Variants in LRRK1 observed in about 807,000 individuals in gnomAD.
The protein encoded by LRRK1 is leucine rich repeat kinase 1.
In LRRK1, 113 loss-of-function variants were observed where a neutral mutation model predicts 209.1. The ratio of observed to expected loss-of-function variants is 0.54; its 90% CI spans 0.46 to 0.63. LRRK1 has a LOEUF of 0.63. Ranked by LOEUF, LRRK1 falls within the 30% of genes least tolerant of loss-of-function variation. The pLI is 0.00. For synonymous variants in LRRK1, 1,144 were observed against 1,099.7 expected (o/e 1.04, Z -0.80); for missense variants, 2,284 against 2,632.2 (o/e 0.87, Z 2.89).
chr15:101,061,168 C>CTTAT lies in LRRK1; in HGVS notation c.4680-3_4680-2insTTAT, dbSNP rs57811973. On this transcript the variant is annotated splice_region_variant and splice_polypyrimidine_tract_variant and intron_variant, in intron 29 of 33. Coordinates refer to ENST00000388948, the MANE Select transcript of LRRK1 (RefSeq NM_024652.6). The stretch of plus-strand genomic sequence containing the variant: ...CTGACAGCACAGTTTCTGCCACTTA[C>CTTAT]AGGAACTACACGGTGGTGAACACAG... 16 of 1,611,394 alleles carry CTTAT rather than the reference C, an allele frequency of 9.9e-6. No individual in the cohort carries two copies. Among genetic ancestry groups the CTTAT allele is most frequent in the African/African-American group, 1.3e-5 (1 of 74,802 alleles).
chr15:101,014,182 G>A, intron 10 of LRRK1, 134 bp from the exon 11 acceptor site: 2 of 671,396 alleles, frequency 3.0e-6, no homozygotes, highest in South Asian at 3.7e-5. Flanking sequence ...CCACACAGCT[G>A]GGATCTGCGT....
chr15:100,964,858 A>AT (rs2030353875), intron 2 of LRRK1, among the ~76,000 whole-genome samples: 2 of 152,074 alleles, frequency 1.3e-5, no homozygotes, highest in Non-Finnish European at 2.9e-5. Flanking sequence ...AATTAAAGCC[A>AT]TTTTTTTCAT....
rs1296202841 is a variant in LRRK1 at position 101,071,381 on chromosome 15, TTTTGTTTTG to T, written c.*2537_*2545del. The T allele has an allele frequency of 2.0e-5, 3 of 151,016 alleles. No individual in the cohort carries two copies. The highest frequency in any genetic ancestry group is 7.3e-5 in the African/African-American group (3 of 41,020). The allele number at this position is 151,016 out of a possible 1,614,324, so 9.4% of individuals were successfully genotyped here. On this transcript the variant is annotated 3_prime_UTR_variant, in exon 34 of 34. Transcript: ENST00000388948. ...ACACAGTCAAGAATCTCTGTGTTTT[TTTTGTTTTG>T]TTTTGTTTTTGTTTTTTGAGACGGA... is the stretch of plus-strand genomic sequence containing the variant.
intron 6 of LRRK1, among the ~76,000 whole-genome samples, chr15:101,006,289 A>G (rs540929220): frequency 6.6e-5 from 10 of 152,058 alleles, no homozygotes; most frequent in South Asian, 2.1e-4. Context: ...GGGATATTCT[A>G]TAAGACAAGC....
intron 22 of LRRK1, 32 bp from the exon 23 acceptor site, chr15:101,049,612 G>C (rs551478860): frequency 4.4e-5 from 71 of 1,607,458 alleles, no homozygotes; most frequent in Non-Finnish European, 6.0e-5. Context: ...GAGCCAGATC[G>C]CAATGGGCTC....
intron 6 of LRRK1, among the ~76,000 whole-genome samples, chr15:100,989,961 A>G (rs1006429757): frequency 3.3e-5 from 5 of 152,066 alleles, no homozygotes; most frequent in Non-Finnish European, 5.9e-5. Flanking sequence ...TAAAATTACT[A>G]AAGTTATGAA....
intron 9 of LRRK1, 83 bp downstream of exon 9, chr15:101,010,920 T>A: frequency 7.6e-7 from 1 of 1,311,058 alleles, no homozygotes; most frequent in Non-Finnish European, 1.1e-6. Context: ...GTGCATTATG[T>A]CAGTTCATCC....
chr15:100,983,812 A>G (rs1304308636), intron 4 of LRRK1, 113 bp downstream of exon 4: 1 of 1,112,474 alleles, frequency 9.0e-7, no homozygotes, highest in African/African-American at 1.5e-5. Flanking sequence ...CAAGAAATAC[A>G]GGGTAGGCCA....
At chr15:101,015,107 A>G (rs1338197869) in intron 11 of LRRK1, among the ~76,000 whole-genome samples, 1 of 152,210 alleles carries the variant, frequency 6.6e-6, no homozygotes, top group Non-Finnish European at 1.5e-5. Context: ...CCACTTCTGC[A>G]GTATCACGGT....
At chr15:101,011,474 CAA>C (rs35220453) in intron 9 of LRRK1, among the ~76,000 whole-genome samples, 1,111 of 78,180 alleles carry the variant, frequency 0.014, 6 homozygotes, top group Middle Eastern at 0.06. Flanking sequence ...GACTCTGTCT[CAA>C]AAAAAAAAAA....
At position 101,074,980 on chromosome 15, in the gene LRRK1, T is replaced by G. The variant is rs1385856261; in HGVS notation, c.*6132T>G. 1.4e-5 allele frequency: 2 copies of G among 144,682 alleles called. No homozygotes were observed. The highest frequency in any genetic ancestry group is 6.8e-5 in the Admixed American group (1 of 14,620). The allele number at this position is 144,682 out of a possible 1,614,324, so 9.0% of individuals were successfully genotyped here. On this transcript the variant is annotated 3_prime_UTR_variant, in exon 34 of 34. Transcript: ENST00000388948. Reference sequence around the variant, plus strand: ...GGCCCAAGGCTCTCTGACTGACTCCTTCCCAGATCTTCTTGGCTTAGCGGC... The same window carrying G: ...GGCCCAAGGCTCTCTGACTGACTCCGTCCCAGATCTTCTTGGCTTAGCGGC...
intron 3 of LRRK1, among the ~76,000 whole-genome samples, chr15:100,980,231 A>G (rs1197929244): frequency 2.0e-5 from 3 of 152,206 alleles, no homozygotes; most frequent in African/African-American, 7.2e-5. Flanking sequence ...AGCTATACAA[A>G]GGAGCTCTCC....
chr15:101,041,684 T>A (rs2034762812), intron 20 of LRRK1, among the ~76,000 whole-genome samples: 1 of 152,230 alleles, frequency 6.6e-6, no homozygotes. Context: ...CTTGCTGTCA[T>A]CCACGTTTCT....
chr15:101,008,451 C>A (rs982038055), intron 6 of LRRK1, among the ~76,000 whole-genome samples: 1 of 152,216 alleles, frequency 6.6e-6, no homozygotes, highest in Non-Finnish European at 1.5e-5. Flanking sequence ...AGTCAGCTTT[C>A]TTCTCCAGTC....
At chr15:101,039,702 G>A (rs1413664790) in intron 20 of LRRK1, among the ~76,000 whole-genome samples, 1 of 152,154 alleles carries the variant, frequency 6.6e-6, no homozygotes, top group African/African-American at 2.4e-5. Flanking sequence ...CAAGTGTGAT[G>A]TTTTCTGCAG....
At position 101,075,339 on chromosome 15, in the gene LRRK1, A is replaced by G. The variant is rs1184130511; in HGVS notation, c.*6491A>G. On this transcript the variant is annotated 3_prime_UTR_variant, in exon 34 of 34. Transcript: ENST00000388948. ...AACTAAATTATCTGCTTCCCTGACT[A>G]TTCCTGGGCTACAGCCACACCTCAT... 1 of 93,258 alleles carries G rather than the reference A, an allele frequency of 1.1e-5. No individual in the cohort carries two copies. The highest frequency in any genetic ancestry group is 2.5e-4 in the East Asian group (1 of 4,050). The allele number at this position is 93,258 out of a possible 1,614,324, so 5.8% of individuals were successfully genotyped here.
At chr15:100,939,382 C>G (rs897321747) in intron 2 of LRRK1, among the ~76,000 whole-genome samples, 1 of 152,158 alleles carries the variant, frequency 6.6e-6, no homozygotes, top group Non-Finnish European at 1.5e-5. Flanking sequence ...CTGACATGTT[C>G]CCACCTTCCC....
In LRRK1 at chr15:101,014,535, G is replaced by A. The variant is rs367781171; in HGVS notation, c.1532+107G>A. The stretch of plus-strand genomic sequence containing the variant: ...GTGAGTCTGCGAGGGCTGCTGAGCC[G>A]CCAGCTGGGGGCTTAACAACAGAAA... On this transcript the variant is annotated intron_variant, in intron 11 of 33. Coordinates refer to ENST00000388948, the MANE Select transcript of LRRK1 (RefSeq NM_024652.6). 5.4e-4 allele frequency: 395 copies of A among 735,274 alleles called. 4 individuals carry two copies. Among genetic ancestry groups the A allele is most frequent in the South Asian group, 5.3e-3 (330 of 62,050 alleles). The allele number at this position is 735,274 out of a possible 1,614,324, so 45.5% of individuals were successfully genotyped here. A position where few individuals can be genotyped will look rare whatever the true frequency, so the allele number is the denominator to read the frequency against.
intron 2 of LRRK1, among the ~76,000 whole-genome samples, chr15:100,931,661 C>A (rs2042214452): frequency 6.6e-6 from 1 of 152,122 alleles, no homozygotes; most frequent in African/African-American, 2.4e-5. Flanking sequence ...GAGGCCAGGG[C>A]AGGGCTCCTC....
Sources: gnomAD v4.1 joint callset for allele counts (sites outside exome capture counted in the v4.1 genomes callset) on GRCh38, gnomAD v4.1.1 for gene constraint, MANE v1.5 for transcripts, NCBI Gene and HGNC (gene_info 2026-07-23, HGNC 2026-07-21) for gene names.